ATXN1: variants seen among roughly 807,000 people sequenced by gnomAD.
ATXN1 encodes the protein ataxin 1.
A neutral mutation model predicts 56.4 loss-of-function variants in ATXN1; 8 were observed. That is an observed-to-expected ratio of 0.14 (90% confidence interval 0.08 to 0.26). The LOEUF is 0.26. Among genes scored for constraint, ATXN1 ranks in the 10% least tolerant of loss-of-function variants. ATXN1 has a pLI of 1.00. For missense variants in ATXN1, 987 were observed against 1,106.5 expected (o/e 0.89, Z 1.53); for synonymous variants, 514 against 494.6 (o/e 1.04, Z -0.52).
Position 16,692,068 on chromosome 6 carries a change from A to G in ATXN1, c.-614-34167T>C, listed in dbSNP as rs140552583. Among the ~76,000 whole-genome samples the G allele has an allele frequency of 5.2e-3, 787 of 152,352 alleles. 9 individuals are homozygous for G. Among genetic ancestry groups the G allele is most frequent in the African/African-American group, 0.018 (743 of 41,586 alleles). ...CACCTGACATCAGGAGTTCGAGACC[A>G]GCCTGGCCAATATGGTGAAACCTCA... On this transcript the variant is annotated intron_variant, in intron 2 of 7. Transcript: ENST00000436367.
At chr6:16,604,854 G>A (rs1279831599) in intron 3 of ATXN1, among the ~76,000 whole-genome samples, 2 of 151,922 alleles carry the variant, frequency 1.3e-5, no homozygotes, top group Non-Finnish European at 2.9e-5. Context: ...ACAAAGTGCT[G>A]GAAATACACA....
intron 3 of ATXN1, among the ~76,000 whole-genome samples, chr6:16,639,519 G>A (rs1048306197): frequency 1.3e-5 from 2 of 152,150 alleles, no homozygotes; most frequent in African/African-American, 4.8e-5. Flanking sequence ...CTCCATGTTG[G>A]TCAGGCTGGT....
At chr6:16,672,551 A>G (rs1295209167) in intron 2 of ATXN1, among the ~76,000 whole-genome samples, 1 of 152,178 alleles carries the variant, frequency 6.6e-6, no homozygotes, top group East Asian at 1.9e-4. Flanking sequence ...GGAGATGGGG[A>G]GATGATACAG....
In ATXN1 at chr6:16,409,685, G is replaced by A. The variant is rs542569515; in HGVS notation, c.-161+76287C>T. ...AAAAAAAAAAAGAACTCGACTTGCC[G>A]TTTATGCAATTTCAAAAGCTGGCTT... On this transcript the variant is annotated intron_variant, in intron 6 of 7. Transcript: ENST00000436367. Among the ~76,000 whole-genome samples, 53 of 149,536 alleles carry A rather than the reference G, an allele frequency of 3.5e-4. 1 individual carries two copies. The highest frequency in any genetic ancestry group is 1.2e-3 in the African/African-American group (50 of 40,634).
chr6:16,578,311 A>C (rs1762461896), intron 4 of ATXN1, among the ~76,000 whole-genome samples: 1 of 152,196 alleles, frequency 6.6e-6, no homozygotes, highest in Non-Finnish European at 1.5e-5. Context: ...CTATGTTGAC[A>C]AATCTTCCTT....
At chr6:16,416,738 C>T (rs77305520) in intron 6 of ATXN1, among the ~76,000 whole-genome samples, 64 of 152,304 alleles carry the variant, frequency 4.2e-4, no homozygotes, top group Non-Finnish European at 7.3e-4. Flanking sequence ...ACATTTTCAC[C>T]GCTTAGTTCA....
At chr6:16,393,582 T>C (rs1227816460) in intron 6 of ATXN1, among the ~76,000 whole-genome samples, 3 of 152,258 alleles carry the variant, frequency 2.0e-5, no homozygotes, top group Non-Finnish European at 4.4e-5. Context: ...TCTACATTAT[T>C]TGCCTACAAA....
intron 2 of ATXN1, among the ~76,000 whole-genome samples, chr6:16,683,888 C>T (rs1408440773): frequency 6.6e-6 from 1 of 152,194 alleles, no homozygotes; most frequent in Non-Finnish European, 1.5e-5. Context: ...GGGTTGAGGT[C>T]ACACATCTGG....
At chr6:16,479,532 A>G (rs1480873444) in intron 6 of ATXN1, among the ~76,000 whole-genome samples, 1 of 152,214 alleles carries the variant, frequency 6.6e-6, no homozygotes, top group Non-Finnish European at 1.5e-5. Context: ...AATTTAGATA[A>G]TTAAAAAATG....
chr6:16,539,064 T>C (rs1175582946), intron 4 of ATXN1, among the ~76,000 whole-genome samples: 1 of 152,214 alleles, frequency 6.6e-6, no homozygotes, highest in Non-Finnish European at 1.5e-5. Context: ...TCTAAGTCTG[T>C]TCATTTAGAC....
At chr6:16,367,362 T>TCTCACACA (rs1444133579) in intron 6 of ATXN1, among the ~76,000 whole-genome samples, 4 of 144,462 alleles carry the variant, frequency 2.8e-5, no homozygotes, top group African/African-American at 1.1e-4. Flanking sequence ...TCTCTCTCTC[T>TCTCACACA]CACACACACA....
chr6:16,674,143 C>A (rs1010746343), intron 2 of ATXN1, among the ~76,000 whole-genome samples: 3 of 152,062 alleles, frequency 2.0e-5, no homozygotes, highest in South Asian at 2.1e-4. Flanking sequence ...ACAGCTCAAA[C>A]TCAGAATTCA....
chr6:16,491,258 A>AATAATT (rs1554110284), intron 5 of ATXN1, among the ~76,000 whole-genome samples: 2 of 107,458 alleles, frequency 1.9e-5, no homozygotes, highest in Non-Finnish European at 3.7e-5. Context: ...ACACCTGGCT[A>AATAATT]ATTATTATTA....
At chr6:16,572,101 T>C (rs1762343149) in intron 4 of ATXN1, among the ~76,000 whole-genome samples, 1 of 152,224 alleles carries the variant, frequency 6.6e-6, no homozygotes, top group South Asian at 2.1e-4. Flanking sequence ...AGTTTAAGTC[T>C]ACATGTTGTA....
chr6:16,749,339 G>A lies in ATXN1; in HGVS notation c.-615+3894C>T, dbSNP rs537922208. 1.5e-4 allele frequency among the ~76,000 whole-genome samples: 23 copies of A among 152,300 alleles called. No homozygotes were observed. The East Asian group carries it at 4.0e-3, about 27-fold the overall frequency. ...GAAATGCTGGAATTGTTGTTAAAAC[G>A]TACAGGGCTTCACTGAAAATCTTAA... is the stretch of plus-strand genomic sequence containing the variant. On this transcript the variant is annotated intron_variant, in intron 2 of 7. Coordinates refer to ENST00000436367, the MANE Select transcript of ATXN1 (RefSeq NM_001128164.2).
chr6:16,617,181 T>C (rs1293009003), intron 3 of ATXN1, among the ~76,000 whole-genome samples: 1 of 152,028 alleles, frequency 6.6e-6, no homozygotes, highest in Non-Finnish European at 1.5e-5. Flanking sequence ...CTGTAAAATC[T>C]CTAAAGAAAA....
intron 6 of ATXN1, among the ~76,000 whole-genome samples, chr6:16,407,342 G>C (rs1758705956): frequency 6.6e-6 from 1 of 152,200 alleles, no homozygotes; most frequent in Non-Finnish European, 1.5e-5. Context: ...GAATGAATGG[G>C]AAGGATACTG....
intron 6 of ATXN1, among the ~76,000 whole-genome samples, chr6:16,402,242 GTTTTTTTTTTTTTTTTTTTT>G (rs58048762): frequency 1.6e-4 from 10 of 62,118 alleles, no homozygotes; most frequent in Non-Finnish European, 2.0e-4. Context: ...ACCACTGACA[GTTTTTTTTTTTTTTTTTTTT>G]TTTTTTTTTT....
At chr6:16,396,045 T>C (rs1333184066) in intron 6 of ATXN1, among the ~76,000 whole-genome samples, 4 of 130,706 alleles carry the variant, frequency 3.1e-5, no homozygotes, top group Admixed American at 1.6e-4. Context: ...AAAAAGCCAA[T>C]TAACTGTAAA....
Sources: gnomAD v4.1 joint callset for allele counts (sites outside exome capture counted in the v4.1 genomes callset) on GRCh38, gnomAD v4.1.1 for gene constraint, MANE v1.5 for transcripts, NCBI Gene and HGNC (gene_info 2026-07-23, HGNC 2026-07-21) for gene names.